Variants in OAS2 observed in about 807,000 individuals in gnomAD.
OAS2 encodes 2'-5'-oligoadenylate synthase 2.
OAS2 carries 67 observed loss-of-function variants against 71.3 expected under a neutral mutation model. The ratio of observed to expected loss-of-function variants is 0.94; its 90% CI spans 0.77 to 1.15. The LOEUF (loss-of-function observed/expected upper bound fraction) is 1.15. OAS2 is among the 50% of genes most tolerant of loss of function. The pLI is 0.00. For missense variants in OAS2, 789 were observed against 822.5 expected (o/e 0.96, Z 0.50); for synonymous variants, 327 against 321.8 (o/e 1.02, Z -0.17).
intron 5 of OAS2, among the ~76,000 whole-genome samples, chr12:113,000,869 C>G (rs114361363): frequency 3.2e-4 from 48 of 152,362 alleles, no homozygotes; most frequent in African/African-American, 1.2e-3. Context: ...GGCCAACTTA[C>G]AACATCTGAG....
At chr12:112,988,509 G>A (rs1002795727) in intron 2 of OAS2, 5 of 647,610 alleles carry the variant, frequency 7.7e-6, no homozygotes, top group African/African-American at 2.0e-5. Flanking sequence ...ATTGGCACAA[G>A]AGTAGGTTGC....
intron 5 of OAS2, among the ~76,000 whole-genome samples, chr12:112,998,726 G>A (rs776902955): frequency 2.0e-4 from 30 of 152,068 alleles, no homozygotes; most frequent in Non-Finnish European, 3.1e-4. Flanking sequence ...TGTCCCTGAG[G>A]TCACATGCCC....
chr12:112,993,960 TG>T (rs1461870147), intron 2 of OAS2, among the ~76,000 whole-genome samples: 2 of 52,534 alleles, frequency 3.8e-5, no homozygotes, highest in African/African-American at 4.7e-4. Context: ...GTTGTTTTTT[TG>T]TGGGGGGGGG....
chr12:112,992,148 G>T (rs571524212), intron 2 of OAS2, among the ~76,000 whole-genome samples: 124 of 152,110 alleles, frequency 8.2e-4, no homozygotes, highest in African/African-American at 2.8e-3. Context: ...TAATCCCAGC[G>T]CTTTGGGAGG....
In OAS2 at chr12:112,978,638, G is replaced by T. The variant is rs747311190; in HGVS notation, c.30G>T (p.Ser10=). 3.1e-6 allele frequency: 5 copies of T among 1,614,092 alleles called. No homozygotes were observed. The highest frequency in any genetic ancestry group is 4.2e-6 in the Non-Finnish European group (5 of 1,179,992). Residue 10 remains serine, a synonymous_variant, in exon 1 of 10, where the codon TCG becomes TCT. Transcript: ENST00000392583. This position sits in a 1 kb window ranked among gnomAD's most constrained non-coding sequence, Gnocchi z 4.2. MGNGESQLS[S]VPAQKLGWFI... is the part of the protein sequence containing the mutation. Reference sequence around the variant, plus strand: ...GAAATGGGGAGTCCCAGCTGTCCTCGGTGCCTGCTCAGAAGCTGGGTTGGT... The same window carrying T: ...GAAATGGGGAGTCCCAGCTGTCCTCTGTGCCTGCTCAGAAGCTGGGTTGGT...
chr12:113,011,125 G>C lies in OAS2; in HGVS notation c.*1870G>C, dbSNP rs566742843. 1.3e-5 allele frequency: 2 copies of C among 152,342 alleles called. No homozygotes were observed. The highest frequency in any genetic ancestry group is 4.1e-4 in the South Asian group (2 of 4,822). 9.4% of individuals were successfully genotyped at this position (152,342 alleles called of 1,614,324 possible). A position where few individuals can be genotyped will look rare whatever the true frequency, so the allele number is the denominator to read the frequency against. On this transcript the variant is annotated 3_prime_UTR_variant, in exon 10 of 10. Transcript: ENST00000392583. Reference sequence around the variant, plus strand: ...TTGGGCTTTAGCCTTAAAGATACTTGAAGGTCTAGGTGCTTTAACCTCACA... The same window carrying C: ...TTGGGCTTTAGCCTTAAAGATACTTCAAGGTCTAGGTGCTTTAACCTCACA...
At chr12:113,001,397 T>TATAC (rs1565995747) in intron 5 of OAS2, among the ~76,000 whole-genome samples, 1 of 149,054 alleles carries the variant, frequency 6.7e-6, no homozygotes, top group African/African-American at 2.5e-5. Context: ...CACATATATA[T>TATAC]ACACATATAT....
At chr12:112,979,167 G>A (rs1020406616) in intron 1 of OAS2, among the ~76,000 whole-genome samples, 2 of 152,204 alleles carry the variant, frequency 1.3e-5, no homozygotes, top group Non-Finnish European at 2.9e-5. Context: ...GGAGGCTAGA[G>A]AACTTTGTTC....
intron 2 of OAS2, among the ~76,000 whole-genome samples, chr12:112,994,725 T>C (rs765358800): frequency 6.6e-6 from 1 of 152,096 alleles, no homozygotes; most frequent in Admixed American, 6.6e-5. Context: ...CCTGGCTAAA[T>C]AAATGTGTTT....
At chr12:112,993,791 C>T (rs546782883) in intron 2 of OAS2, among the ~76,000 whole-genome samples, 1 of 152,008 alleles carries the variant, frequency 6.6e-6, no homozygotes, top group South Asian at 2.1e-4. Flanking sequence ...ATCACTTGAG[C>T]CTTGAAATAT....
intron 6 of OAS2, 42 bp from the exon 7 acceptor site, chr12:113,004,892 G>T: frequency 6.2e-7 from 1 of 1,603,188 alleles, no homozygotes. Context: ...GGGACTCCTC[G>T]GTTAAGGAAA....
chr12:113,009,960 C>G lies in OAS2; in HGVS notation c.*705C>G, dbSNP rs1439966112. 2.0e-6 allele frequency: 2 copies of G among 986,386 alleles called. No homozygotes were observed. The highest frequency in any genetic ancestry group is 2.4e-6 in the Non-Finnish European group (2 of 830,580). 61.1% of individuals were successfully genotyped at this position (986,386 alleles called of 1,614,324 possible). ...GTTCTTTCTTTAAAGCAGGATTTCT[C>G]AACTTTGATACTTACTCACATTTGG... On this transcript the variant is annotated 3_prime_UTR_variant, in exon 10 of 10. Coordinates refer to ENST00000392583, the MANE Select transcript of OAS2 (RefSeq NM_002535.3).
At position 113,009,423 on chromosome 12, in the gene OAS2, T is replaced by A; in HGVS notation, c.*168T>A. ...CCACTACAAGTGATCCTCAGGCAGG[T>A]AACCCCAGATTCATGCACTGTAGGG... On this transcript the variant is annotated 3_prime_UTR_variant, in exon 10 of 10. Coordinates refer to ENST00000392583, the MANE Select transcript of OAS2 (RefSeq NM_002535.3). The A allele has an allele frequency of 6.9e-7, 1 of 1,450,364 alleles. No individual in the cohort carries two copies. Among genetic ancestry groups the A allele is most frequent in the East Asian group, 2.5e-5 (1 of 39,988 alleles). 89.8% of individuals were successfully genotyped at this position (1,450,364 alleles called of 1,614,324 possible).
intron 1 of OAS2, among the ~76,000 whole-genome samples, chr12:112,986,119 T>C (rs1432595496): frequency 6.6e-6 from 1 of 152,244 alleles, no homozygotes; most frequent in Non-Finnish European, 1.5e-5. Context: ...GTGTTGTCTG[T>C]GAGCTCCTCA....
intron 1 of OAS2, among the ~76,000 whole-genome samples, chr12:112,986,657 A>G (rs2044138955): frequency 6.6e-6 from 1 of 151,270 alleles, no homozygotes; most frequent in Admixed American, 6.6e-5. Context: ...CAGGTTCCCT[A>G]ATGGTGTGTG....
chr12:113,002,461 G>A (rs1003158138), intron 5 of OAS2, among the ~76,000 whole-genome samples: 3 of 152,200 alleles, frequency 2.0e-5, no homozygotes, highest in African/African-American at 7.2e-5. Flanking sequence ...CAACACACCC[G>A]CACATGGCGT....
chr12:112,979,007 T>C (rs1376172894), intron 1 of OAS2, among the ~76,000 whole-genome samples: 1 of 152,104 alleles, frequency 6.6e-6, no homozygotes, highest in East Asian at 1.9e-4. Flanking sequence ...CTCTGTAAAA[T>C]GGGGAGAGGC....
rs138533307 is a variant in OAS2 at position 113,009,240 on chromosome 12, G to A, written c.2049G>A (p.Pro683=). 589 of 1,613,768 alleles carry A rather than the reference G, an allele frequency of 3.6e-4. No individual in the cohort carries two copies. Among genetic ancestry groups the A allele is most frequent in the Non-Finnish European group, 4.6e-4 (548 of 1,179,836 alleles). The part of the protein sequence containing the change: ...TGNPIPPWKV[P]VKVI ...ACCCAATACCACCTTGGAAAGTGCC[G>A]GTAAAAGTCATCTAAAGGAGGCGTT... The change falls in exon 10 of 10, where the codon CCG becomes CCA. Residue 683 remains proline (P), a synonymous_variant. Coordinates refer to ENST00000392583, the MANE Select transcript of OAS2 (RefSeq NM_002535.3).
At chr12:112,983,604 G>A (rs746484675) in intron 1 of OAS2, among the ~76,000 whole-genome samples, 15 of 152,152 alleles carry the variant, frequency 9.9e-5, no homozygotes, top group Non-Finnish European at 2.1e-4. Context: ...ATGTAAGCAT[G>A]TATTGCTTCA....
Sources: allele counts gnomAD v4.1 joint callset (sites outside exome capture counted in the v4.1 genomes callset), GRCh38; gene constraint gnomAD v4.1.1; non-coding constraint Gnocchi (gnomAD v3.1); transcripts MANE v1.5; gene names NCBI Gene and HGNC (gene_info 2026-07-23, HGNC 2026-07-21).